Variants in RNF13 observed in about 807,000 individuals in gnomAD.
RNF13 encodes ring finger protein 13, also known as E3 ubiquitin-protein ligase RNF13.
RNF13 carries 19 observed loss-of-function variants against 37.7 expected under a neutral mutation model. That is an observed-to-expected ratio of 0.50 (90% CI 0.35 to 0.74). The LOEUF is 0.74. Ranked by LOEUF, RNF13 falls within the 30% of genes least tolerant of loss-of-function variation. The pLI, the probability that RNF13 is intolerant of heterozygous loss-of-function variation, is 0.01. For missense variants in RNF13, 375 were observed against 453.0 expected (o/e 0.83, Z 1.56); for synonymous variants, 144 against 157.8 (o/e 0.91, Z 0.65).
At chr3:149,854,183 G>A (rs1723423909) in intron 3 of RNF13, among the ~76,000 whole-genome samples, 1 of 151,754 alleles carries the variant, frequency 6.6e-6, no homozygotes, top group Non-Finnish European at 1.5e-5. Flanking sequence ...TAATTAGGAT[G>A]GCAGACACCT....
At chr3:149,849,966 C>T (rs1266826538) in intron 2 of RNF13, among the ~76,000 whole-genome samples, 2 of 151,512 alleles carry the variant, frequency 1.3e-5, no homozygotes, top group African/African-American at 2.4e-5. Flanking sequence ...TGAGGAGTAA[C>T]TATTTTCTAC....
In RNF13 at chr3:149,962,049, T is replaced by C. The variant is rs893222541; in HGVS notation, c.*945T>C. 1 of 152,678 alleles carries C rather than the reference T, an allele frequency of 6.5e-6. No homozygotes were observed. The highest frequency in any genetic ancestry group is 1.5e-5 in the Non-Finnish European group (1 of 68,036). The allele number at this position is 152,678 out of a possible 1,614,324, so 9.5% of individuals were successfully genotyped here. A position where few individuals can be genotyped will look rare whatever the true frequency, so the allele number is the denominator to read the frequency against. Reference sequence around the variant, plus strand: ...ACTATGTAGAAAGTGTAGACTAATGTATAATCAAAATGCTAAGGATTTTTA... The same window carrying C: ...ACTATGTAGAAAGTGTAGACTAATGCATAATCAAAATGCTAAGGATTTTTA... On this transcript the variant is annotated 3_prime_UTR_variant, in exon 10 of 10. Coordinates refer to ENST00000392894, the MANE Select transcript of RNF13 (RefSeq NM_183381.3).
chr3:149,871,967 G>A, intron 3 of RNF13, 62 bp from the exon 4 acceptor site: 8 of 1,396,696 alleles, frequency 5.7e-6, no homozygotes, highest in Non-Finnish European at 6.8e-6. Context: ...GATATTTGTA[G>A]AAGTAAGTTG....
At chr3:149,924,168 A>G (rs1718422804) in intron 8 of RNF13, among the ~76,000 whole-genome samples, 1 of 152,156 alleles carries the variant, frequency 6.6e-6, no homozygotes. Flanking sequence ...GAACAACAAA[A>G]TGGATGGTCT....
intron 4 of RNF13, among the ~76,000 whole-genome samples, chr3:149,873,289 T>A (rs917891906): frequency 2.0e-5 from 3 of 152,206 alleles, no homozygotes; most frequent in African/African-American, 7.2e-5. Context: ...ACTAGAATAC[T>A]TTTTTGCTGT....
intron 3 of RNF13, among the ~76,000 whole-genome samples, chr3:149,867,300 C>G (rs904982014): frequency 6.6e-6 from 1 of 151,556 alleles, no homozygotes; most frequent in East Asian, 1.9e-4. Context: ...GAGTCTTGCT[C>G]TGTCACCCAG....
At chr3:149,941,305 T>C (rs577238750) in intron 8 of RNF13, among the ~76,000 whole-genome samples, 1 of 152,234 alleles carries the variant, frequency 6.6e-6, no homozygotes, top group African/African-American at 2.4e-5. Flanking sequence ...CCTGCACCAT[T>C]TTACATTCCC....
intron 8 of RNF13, among the ~76,000 whole-genome samples, chr3:149,945,784 G>A (rs1041877912): frequency 3.9e-5 from 6 of 152,296 alleles, no homozygotes; most frequent in African/African-American, 1.2e-4. Context: ...TGCAGCCTCC[G>A]CTGCTGATAC....
At chr3:149,906,742 C>A (rs1716451231) in intron 6 of RNF13, among the ~76,000 whole-genome samples, 1 of 146,632 alleles carries the variant, frequency 6.8e-6, no homozygotes, top group Non-Finnish European at 1.5e-5. Flanking sequence ...GCCTTGATCT[C>A]CGAGGCTCAG....
At chr3:149,840,737 C>T (rs2108362158) in intron 1 of RNF13, among the ~76,000 whole-genome samples, 1 of 152,302 alleles carries the variant, frequency 6.6e-6, no homozygotes, top group East Asian at 1.9e-4. Context: ...TCCACACTCT[C>T]AATAACTGAT....
intron 1 of RNF13, among the ~76,000 whole-genome samples, chr3:149,831,226 C>T (rs1309294455): frequency 6.6e-6 from 1 of 152,204 alleles, no homozygotes; most frequent in Non-Finnish European, 1.5e-5. Context: ...GGCCACTGTT[C>T]TCCAGACTCC....
intron 1 of RNF13, among the ~76,000 whole-genome samples, chr3:149,836,954 C>T (rs1185767659): frequency 6.6e-6 from 1 of 152,130 alleles, no homozygotes; most frequent in African/African-American, 2.4e-5. Context: ...TTTATAGAAA[C>T]AGAAAATAAA....
intron 4 of RNF13, among the ~76,000 whole-genome samples, chr3:149,884,301 A>T (rs1477410931): frequency 6.6e-6 from 1 of 151,996 alleles, no homozygotes; most frequent in Non-Finnish European, 1.5e-5. Flanking sequence ...TGTTAAGTTG[A>T]TGAAGAGTTG....
At chr3:149,923,374 G>C (rs1304595737) in intron 8 of RNF13, among the ~76,000 whole-genome samples, 1 of 152,136 alleles carries the variant, frequency 6.6e-6, no homozygotes, top group East Asian at 1.9e-4. Flanking sequence ...ATAGGCATGT[G>C]CCACTGGGCC....
intron 8 of RNF13, among the ~76,000 whole-genome samples, chr3:149,954,090 A>G (rs1230866539): frequency 1.3e-5 from 2 of 152,144 alleles, no homozygotes; most frequent in African/African-American, 2.4e-5. Flanking sequence ...TTTGTTTTAG[A>G]ATTTTTTGGT....
At chr3:149,831,556 T>C (rs1721057212) in intron 1 of RNF13, among the ~76,000 whole-genome samples, 1 of 152,180 alleles carries the variant, frequency 6.6e-6, no homozygotes, top group African/African-American at 2.4e-5. Context: ...GTCCCCTCAT[T>C]GTATCTAGGA....
intron 6 of RNF13, among the ~76,000 whole-genome samples, chr3:149,910,621 T>A (rs1716905804): frequency 6.6e-6 from 1 of 152,376 alleles, no homozygotes; most frequent in African/African-American, 2.4e-5. Flanking sequence ...AGTAAATCTG[T>A]TATTTTCCTT....
intron 3 of RNF13, among the ~76,000 whole-genome samples, chr3:149,870,724 TAAG>T (rs1711937395): frequency 1.3e-5 from 2 of 151,892 alleles, no homozygotes; most frequent in African/African-American, 4.8e-5. Context: ...TTTATGGGAT[TAAG>T]AAGAGGAGCT....
At chr3:149,910,029 A>C (rs1407257985) in intron 6 of RNF13, among the ~76,000 whole-genome samples, 1 of 151,926 alleles carries the variant, frequency 6.6e-6, no homozygotes, top group Non-Finnish European at 1.5e-5. Context: ...TGAATTTAGG[A>C]TATGCAATAG....
Sources: gnomAD v4.1 joint callset for allele counts (sites outside exome capture counted in the v4.1 genomes callset) on GRCh38, gnomAD v4.1.1 for gene constraint, MANE v1.5 for transcripts, NCBI Gene and HGNC (gene_info 2026-07-23, HGNC 2026-07-21) for gene names.